The following AKAP19 variants were observed in gnomAD, a reference collection of about 807,000 sequenced individuals.
The protein encoded by AKAP19 is A-kinase anchoring protein 19.
chr2:190,183,652 A>G, the AKAP19 span, among the ~76,000 whole-genome samples: 5 of 152,124 alleles, frequency 3.3e-5, no homozygotes, highest in East Asian at 5.8e-4. Flanking sequence ...ACACTGGGGG[A>G]AAAAAGTTCT....
chr2:189,967,931 A>C, the AKAP19 span, among the ~76,000 whole-genome samples: 1 of 152,126 alleles, frequency 6.6e-6, no homozygotes, highest in Non-Finnish European at 1.5e-5. Context: ...AATATTGGAG[A>C]GCAATAGCAT....
chr2:189,900,197 C>A, the AKAP19 span, among the ~76,000 whole-genome samples: 1 of 151,852 alleles, frequency 6.6e-6, no homozygotes, highest in African/African-American at 2.4e-5. Flanking sequence ...TAATTATAAA[C>A]AATTGTTTAT....
chr2:190,058,246 G>A, the AKAP19 span, among the ~76,000 whole-genome samples: 2 of 151,896 alleles, frequency 1.3e-5, no homozygotes, highest in East Asian at 1.9e-4. Context: ...TTCTGTCTCT[G>A]CCCCAATCTT....
chr2:189,923,982 A>G, the AKAP19 span: 1 of 1,603,172 alleles, frequency 6.2e-7, no homozygotes, highest in Non-Finnish European at 8.5e-7. Flanking sequence ...GTAGAGATGA[A>G]CAATGTTAAG....
chr2:190,143,352 T>C, the AKAP19 span, among the ~76,000 whole-genome samples: 1 of 150,364 alleles, frequency 6.7e-6, no homozygotes, highest in Non-Finnish European at 1.5e-5. Flanking sequence ...TGCCGTTCCC[T>C]GTGCTTGAAA....
the AKAP19 span, among the ~76,000 whole-genome samples, chr2:190,139,820 C>T: frequency 2.0e-5 from 3 of 152,182 alleles, no homozygotes; most frequent in African/African-American, 7.2e-5. Context: ...CATGTCGTCA[C>T]ATTTCAAAAC....
At chr2:190,163,536 A>G in the AKAP19 span, among the ~76,000 whole-genome samples, 2 of 152,058 alleles carry the variant, frequency 1.3e-5, no homozygotes, top group Non-Finnish European at 2.9e-5. Context: ...TTCCTAAAAT[A>G]TTTATAACTT....
chr2:190,186,574 T>C, the AKAP19 span, among the ~76,000 whole-genome samples: 3 of 152,336 alleles, frequency 2.0e-5, no homozygotes, highest in Admixed American at 6.5e-5. The surrounding 1 kb of genome is among the most constrained non-coding windows in gnomAD (Gnocchi z 5.5). Flanking sequence ...CAGTATTTTG[T>C]AGCTTTTCCT....
chr2:189,919,167 A>G, the AKAP19 span, among the ~76,000 whole-genome samples: 4 of 152,178 alleles, frequency 2.6e-5, no homozygotes, highest in Middle Eastern at 3.2e-3. Context: ...AGGGGGGACT[A>G]CTGTATATGA....
the AKAP19 span, among the ~76,000 whole-genome samples, chr2:189,933,170 C>A: frequency 2.6e-5 from 4 of 152,124 alleles, no homozygotes; most frequent in Admixed American, 2.6e-4. Flanking sequence ...TTTACTAATG[C>A]CAGTGCTTGT....
the AKAP19 span, among the ~76,000 whole-genome samples, chr2:189,893,462 G>C: frequency 6.6e-6 from 1 of 152,210 alleles, no homozygotes; most frequent in Non-Finnish European, 1.5e-5. Flanking sequence ...GCTTCCCTTG[G>C]CTAGGAGAGG....
chr2:189,936,285 C>CAT, the AKAP19 span, among the ~76,000 whole-genome samples: 17 of 150,706 alleles, frequency 1.1e-4, no homozygotes, highest in East Asian at 2.5e-3. Flanking sequence ...CACACACACA[C>CAT]GGCTATCTCT....
At chr2:190,037,046 C>G in the AKAP19 span, among the ~76,000 whole-genome samples, 1 of 152,116 alleles carries the variant, frequency 6.6e-6, no homozygotes, top group Non-Finnish European at 1.5e-5. Context: ...TCAGAGAAGG[C>G]CAAATAGCTA....
the AKAP19 span, among the ~76,000 whole-genome samples, chr2:190,140,366 G>GC: frequency 6.6e-6 from 1 of 152,198 alleles, no homozygotes; most frequent in African/African-American, 2.4e-5. Context: ...GGATCTCAGT[G>GC]TGGGGGCTCC....
chr2:189,913,641 A>C, the AKAP19 span, among the ~76,000 whole-genome samples: 3 of 152,256 alleles, frequency 2.0e-5, no homozygotes, highest in Non-Finnish European at 2.9e-5. Flanking sequence ...CACTGATGAA[A>C]ATAAATTGTA....
chr2:190,034,987 A>G, the AKAP19 span, among the ~76,000 whole-genome samples: 1 of 152,086 alleles, frequency 6.6e-6, no homozygotes, highest in African/African-American at 2.4e-5. Context: ...TTATTAACCA[A>G]TGGCCAGTCT....
At chr2:189,970,336 C>T in the AKAP19 span, among the ~76,000 whole-genome samples, 1 of 152,092 alleles carries the variant, frequency 6.6e-6, no homozygotes, top group Non-Finnish European at 1.5e-5. Flanking sequence ...GGATTATATT[C>T]CCTTTCAATC....
the AKAP19 span, among the ~76,000 whole-genome samples, chr2:190,096,522 A>G: frequency 2.0e-5 from 3 of 151,878 alleles, no homozygotes; most frequent in African/African-American, 7.3e-5. Flanking sequence ...TATTTCAGGG[A>G]GTTTGCTGCC....
chr2:190,159,547 T>C, the AKAP19 span, among the ~76,000 whole-genome samples: 4 of 152,212 alleles, frequency 2.6e-5, no homozygotes, highest in African/African-American at 9.6e-5. Context: ...TACTTGGCTG[T>C]GAGTGAGACT....
Sources: allele counts gnomAD v4.1 joint callset (sites outside exome capture counted in the v4.1 genomes callset), GRCh38; gene constraint gnomAD v4.1.1; non-coding constraint Gnocchi (gnomAD v3.1); transcripts MANE v1.5; gene names NCBI Gene and HGNC (gene_info 2026-07-23, HGNC 2026-07-21).